Variants in DIAPH1 observed in about 807,000 individuals in gnomAD.
DIAPH1 encodes diaphanous related formin 1.
A neutral mutation model predicts 140.7 loss-of-function variants in DIAPH1; 46 were observed. That is an observed-to-expected ratio of 0.33 (90% CI 0.26 to 0.42). DIAPH1 has a LOEUF of 0.42. Among genes scored for constraint, DIAPH1 ranks in the 10% least tolerant of loss-of-function variants. The pLI, the probability that DIAPH1 is intolerant of heterozygous loss-of-function variation, is 1.00. For missense variants in DIAPH1, 1,310 were observed against 1,558.7 expected, an observed-to-expected ratio of 0.84 and a Z score of 2.69; for synonymous variants, 565 against 551.6, an observed-to-expected ratio of 1.02 and a Z score of -0.34.
chr5:141,577,676 G>C, intron 11 of DIAPH1, 85 bp from the exon 12 acceptor site: 1 of 875,698 alleles, frequency 1.1e-6, no homozygotes, highest in East Asian at 2.5e-5. Context: ...AAAAAGCTAG[G>C]GAAAAGTAGC....
chr5:141,586,377 T>C (rs558177077), intron 3 of DIAPH1, among the ~76,000 whole-genome samples: 5 of 152,232 alleles, frequency 3.3e-5, no homozygotes, highest in Non-Finnish European at 5.9e-5. Context: ...GGCCTGCCAC[T>C]AGTCTCTATT....
At position 141,515,347 on chromosome 5, in the gene DIAPH1, A is replaced by C. The variant is rs2099885526; in HGVS notation, c.*1504T>G. ...GCAACCAAAACCCTCCCTCCTGGCAATAAGGCCTCACTATAGTTGCCCTCA... is the reference window on the plus strand; with the variant it reads ...GCAACCAAAACCCTCCCTCCTGGCACTAAGGCCTCACTATAGTTGCCCTCA... On this transcript the variant is annotated 3_prime_UTR_variant, in exon 28 of 28. Transcript: ENST00000389054. The C allele has an allele frequency of 6.6e-6, 1 of 152,262 alleles. No homozygotes were observed. The highest frequency in any genetic ancestry group is 2.4e-5 in the African/African-American group (1 of 41,444). 9.4% of individuals were successfully genotyped at this position (152,262 alleles called of 1,614,324 possible).
intron 18 of DIAPH1, among the ~76,000 whole-genome samples, chr5:141,537,244 G>C (rs957103708): frequency 6.6e-6 from 1 of 152,040 alleles, no homozygotes; most frequent in African/African-American, 2.4e-5. Flanking sequence ...AGCACTTTGG[G>C]AGGCTGAGGC....
Position 141,528,582 on chromosome 5 carries a change from G to C in DIAPH1, c.3019C>G (p.Leu1007Val), listed in dbSNP as rs777847342. Residue 1007 changes from leucine (L) to valine (V), a missense_variant and splice_region_variant, in exon 23 of 28, where the codon CTT becomes GTT. By Grantham distance (32) the Leu-to-Val change is conservative. Around this residue, in one of 3 missense-constraint regions of DIAPH1, gnomAD observed 344 missense variants for 512.2 expected, o/e 0.67. Transcript: ENST00000389054. ...FGFNISFLCK[L>V]RDTKSTDQKM... is the part of the protein sequence containing the mutation. The stretch of plus-strand genomic sequence containing the variant: ...TGATCTGTGGACTTGGTGTCTCGAA[G>C]CTTAGAGAAAGAGGAGAAACTGTTA... 6.2e-7 allele frequency: 1 copy of C among 1,614,212 alleles called. No homozygotes were observed. Among genetic ancestry groups the C allele is most frequent in the South Asian group, 1.1e-5 (1 of 91,086 alleles).
At position 141,516,258 on chromosome 5, in the gene DIAPH1, G is replaced by C. The variant is rs1386178578; in HGVS notation, c.*593C>G. 1 of 168,974 alleles carries C rather than the reference G, an allele frequency of 5.9e-6. No individual in the cohort carries two copies. Among genetic ancestry groups the C allele is most frequent in the African/African-American group, 2.4e-5 (1 of 41,760 alleles). 10.5% of individuals were successfully genotyped at this position (168,974 alleles called of 1,614,324 possible). On this transcript the variant is annotated 3_prime_UTR_variant, in exon 28 of 28. Coordinates refer to ENST00000389054, the MANE Select transcript of DIAPH1 (RefSeq NM_005219.5). ...CTGGTCCAGATCCTTTGCTTTGGAG[G>C]CCTTTCCCAGGAAGGTGGGGTAAAG... is the stretch of plus-strand genomic sequence containing the variant.
At chr5:141,552,943 G>A (rs2099891963) in intron 18 of DIAPH1, among the ~76,000 whole-genome samples, 1 of 152,228 alleles carries the variant, frequency 6.6e-6, no homozygotes, top group Admixed American at 6.5e-5. Context: ...TACTCAGTCT[G>A]TGGCACTCTC....
intron 1 of DIAPH1, 52 bp from the exon 2 acceptor site, chr5:141,588,302 C>T (rs767867021): frequency 5.7e-6 from 8 of 1,405,468 alleles, no homozygotes; most frequent in Non-Finnish European, 8.1e-6. Flanking sequence ...CAGTGAAGTA[C>T]AAGGAAACCT....
intron 18 of DIAPH1, chr5:141,563,241 T>C (rs1359663521): frequency 6.6e-6 from 1 of 152,176 alleles, no homozygotes; most frequent in Non-Finnish European, 1.5e-5. Flanking sequence ...ACTGAGAAGT[T>C]TGGAAGATGG....
chr5:141,587,335 T>C (rs2099897692), intron 2 of DIAPH1, 138 bp from the exon 3 acceptor site: 4 of 829,778 alleles, frequency 4.8e-6, no homozygotes, highest in Admixed American at 4.2e-5. Flanking sequence ...TCTTCTGACA[T>C]GAAAAGAAGA....
At position 141,582,295 on chromosome 5, in the gene DIAPH1, A is replaced by C. The variant is rs1390358848; in HGVS notation, c.684+17T>G. The stretch of plus-strand genomic sequence containing the variant: ...GCGTCCAGATGGGGTTTGGAATGAG[A>C]ATGGGAAAAATCTCACCTTGTTGTT... On this transcript the variant is annotated intron_variant, in intron 7 of 27. Coordinates refer to ENST00000389054, the MANE Select transcript of DIAPH1 (RefSeq NM_005219.5). The C allele has an allele frequency of 6.2e-7, 1 of 1,608,626 alleles. No individual in the cohort carries two copies. Among genetic ancestry groups the C allele is most frequent in the East Asian group, 2.2e-5 (1 of 44,834 alleles).
At chr5:141,584,421 G>A (rs1288684902) in intron 3 of DIAPH1, among the ~76,000 whole-genome samples, 196 bp from the exon 4 acceptor site, 1 of 151,994 alleles carries the variant, frequency 6.6e-6, no homozygotes, top group Admixed American at 6.6e-5. Flanking sequence ...TAACATTTTA[G>A]TATAAATCTC....
At position 141,528,498 on chromosome 5, in the gene DIAPH1, G is replaced by A. The variant is rs1337840259; in HGVS notation, c.3103C>T (p.Leu1035Phe). 1.2e-6 allele frequency: 2 copies of A among 1,614,084 alleles called. No individual in the cohort carries two copies. Among genetic ancestry groups the A allele is most frequent in the East Asian group, 2.2e-5 (1 of 44,896 alleles). ...TGGGCAAGCTCGTCTGGAAACTTGA[G>A]GACATCGGGATAGTCATTCTCACAC... is the stretch of plus-strand genomic sequence containing the variant. Reference protein sequence around the residue: ...ELCENDYPDVLKFPDELAHVE... With the variant: ...ELCENDYPDVFKFPDELAHVE... Residue 1035 changes from leucine to phenylalanine, a missense_variant, in exon 23 of 28, where the codon CTC becomes TTC. Coordinates refer to ENST00000389054, the MANE Select transcript of DIAPH1 (RefSeq NM_005219.5).
intron 27 of DIAPH1, among the ~76,000 whole-genome samples, chr5:141,522,033 C>G (rs1209019141): frequency 6.6e-6 from 1 of 152,114 alleles, no homozygotes; most frequent in East Asian, 1.9e-4. Context: ...CCTACCTAGC[C>G]CTGTGTTCTT....
At chr5:141,612,499 A>C (rs986694209) in intron 1 of DIAPH1, among the ~76,000 whole-genome samples, 1 of 152,258 alleles carries the variant, frequency 6.6e-6, no homozygotes, top group African/African-American at 2.4e-5. Context: ...TTGATATATG[A>C]AAGACCACAC....
intron 1 of DIAPH1, among the ~76,000 whole-genome samples, chr5:141,610,484 A>G (rs1365641779): frequency 6.6e-6 from 1 of 152,060 alleles, no homozygotes; most frequent in East Asian, 1.9e-4. Flanking sequence ...TATTTTTAGT[A>G]GAGACGGGGT....
intron 6 of DIAPH1, 124 bp downstream of exon 6, chr5:141,583,082 T>C: frequency 3.5e-6 from 3 of 858,264 alleles, no homozygotes; most frequent in Non-Finnish European, 6.1e-6. Context: ...AACCCCTTCT[T>C]GGCTAACAGT....
In DIAPH1 at chr5:141,576,253, T is replaced by G. The variant is rs2099895949; in HGVS notation, c.1438A>C (p.Lys480Gln). 2 of 1,614,030 alleles carry G rather than the reference T, an allele frequency of 1.2e-6. No homozygotes were observed. The highest frequency in any genetic ancestry group is 2.7e-5 in the African/African-American group (2 of 75,064). ...DKTKVEKSEA[K>Q]AAELEKKLDS... ...ACCTTCTTTTCCAGCTCTGCAGCTT[T>G]GGCTTCAGATTTCTCCACCTTTGTC... Residue 480 changes from lysine (K) to glutamine (Q), a missense_variant, in exon 14 of 28, where the codon AAA becomes CAA. Lys to Gln is a moderately conservative substitution (Grantham distance 53). This residue lies in a region of DIAPH1 where 589 missense variants were observed against 549.3 expected (regional missense o/e 1.07). Coordinates refer to ENST00000389054, the MANE Select transcript of DIAPH1 (RefSeq NM_005219.5).
chr5:141,533,413 G>A (rs955459929), intron 19 of DIAPH1, among the ~76,000 whole-genome samples: 1 of 152,174 alleles, frequency 6.6e-6, no homozygotes, highest in African/African-American at 2.4e-5. Flanking sequence ...AAAGAGTTAC[G>A]AGTATACGTG....
intron 10 of DIAPH1, 45 bp from the exon 11 acceptor site, chr5:141,578,388 CT>C (rs1403661833): frequency 7.7e-6 from 12 of 1,559,400 alleles, no homozygotes; most frequent in Non-Finnish European, 1.1e-5. Context: ...AAAGTATCCT[CT>C]GTGGTTAGAA....
Sources: allele counts gnomAD v4.1 joint callset (sites outside exome capture counted in the v4.1 genomes callset), GRCh38; gene constraint gnomAD v4.1.1; regional missense constraint gnomAD v4.1.1; transcripts MANE v1.5; gene names NCBI Gene and HGNC (gene_info 2026-07-23, HGNC 2026-07-21).